The following WDR27 variants were observed in gnomAD, a reference collection of about 807,000 sequenced individuals.
WDR27 encodes WD repeat-containing protein 27.
Under a neutral mutation model 114.4 loss-of-function variants are expected in WDR27, and 100 were observed. The observed-to-expected ratio is 0.87, with a 90% confidence interval of 0.74 to 1.03. The LOEUF (loss-of-function observed/expected upper bound fraction) is 1.03, where lower values mean the gene tolerates loss of function less well. Ranked by LOEUF, WDR27 falls within the 50% of genes least tolerant of loss-of-function variation. The pLI is 0.00. For missense variants in WDR27, 1,129 were observed against 1,092.9 expected (o/e 1.03, Z -0.47); for synonymous variants, 449 against 423.1 (o/e 1.06, Z -0.75).
the WDR27 span, among the ~76,000 whole-genome samples, chr6:169,444,866 C>T: frequency 4.2e-4 from 64 of 152,188 alleles, no homozygotes; most frequent in South Asian, 7.3e-3. Flanking sequence ...CTGGGCTGCC[C>T]TTTTGCCAGA....
At chr6:169,670,090 T>C (rs1002491957) in intron 4 of WDR27, 1 of 153,118 alleles carries the variant, frequency 6.5e-6, no homozygotes, top group African/African-American at 2.4e-5. Context: ...TTTCTAACAC[T>C]GCTTTCTAAC....
intron 9 of WDR27, among the ~76,000 whole-genome samples, chr6:169,661,341 G>A (rs1284305958): frequency 1.3e-5 from 2 of 152,226 alleles, no homozygotes; most frequent in East Asian, 3.8e-4. Flanking sequence ...AACTCCAGGA[G>A]GAAAGTAGCT....
chr6:169,556,052 A>G (rs1225168590), intron 25 of WDR27, among the ~76,000 whole-genome samples: 1 of 152,172 alleles, frequency 6.6e-6, no homozygotes, highest in Non-Finnish European at 1.5e-5. Flanking sequence ...GGCATATAAC[A>G]CAGCATGTGT....
chr6:169,658,295 A>T lies in WDR27; in HGVS notation c.1383T>A (p.Ala461=). The T allele has an allele frequency of 6.2e-7, 1 of 1,601,692 alleles. No homozygotes were observed. Among genetic ancestry groups the T allele is most frequent in the Non-Finnish European group, 8.5e-7 (1 of 1,174,452 alleles). Residue 461 remains alanine, a synonymous_variant, in exon 13 of 26, where the codon GCT becomes GCA. Coordinates refer to ENST00000448612, the MANE Select transcript of WDR27 (RefSeq NM_182552.5). The part of the protein sequence containing the change: ...LGIAKEKSTK[A]ASEQRRAARN... Reference sequence around the variant, plus strand: ...ACTGACCACGTCGCTGTTCACTAGCAGCCTTGGTACTCTTCTCCTTGGCAA... The same window carrying T: ...ACTGACCACGTCGCTGTTCACTAGCTGCCTTGGTACTCTTCTCCTTGGCAA...
chr6:169,616,007 C>T (rs954494751), intron 21 of WDR27, among the ~76,000 whole-genome samples: 1 of 146,944 alleles, frequency 6.8e-6, no homozygotes, highest in Non-Finnish European at 1.5e-5. Flanking sequence ...CACACGCGAA[C>T]TCTGAGGAGG....
At position 169,672,196 on chromosome 6, in the gene WDR27, T is replaced by C. The variant is rs917303863; in HGVS notation, c.331+59A>G. ...ACCCCTTGGGTGGTACCAAGTATAC[T>C]GAAGGATGAGTTATTCCTTTTGCAG... On this transcript the variant is annotated intron_variant, in intron 3 of 25. Transcript: ENST00000448612. The C allele has an allele frequency of 9.5e-6, 15 of 1,570,734 alleles. No homozygotes were observed. In the Admixed American group the frequency reaches 2.7e-4, roughly 28 times the overall value.
chr6:169,432,651 G>A, the WDR27 span, among the ~76,000 whole-genome samples: 2 of 152,308 alleles, frequency 1.3e-5, no homozygotes, highest in African/African-American at 4.8e-5. Context: ...CCCCAGTCAC[G>A]TGAAACTGTG....
At chr6:169,611,477 C>A (rs747353937) in intron 22 of WDR27, among the ~76,000 whole-genome samples, 2 of 151,680 alleles carry the variant, frequency 1.3e-5, no homozygotes, top group Non-Finnish European at 2.9e-5. Flanking sequence ...GGATAATTAT[C>A]GTATTTTTAG....
chr6:169,688,054 C>T, intron 2 of WDR27, among the ~76,000 whole-genome samples: 1 of 152,198 alleles, frequency 6.6e-6, no homozygotes, highest in East Asian at 1.9e-4. Context: ...GAATGTAATT[C>T]TATTTATCAT....
intron 25 of WDR27, among the ~76,000 whole-genome samples, chr6:169,476,510 G>T (rs943302925): frequency 1.3e-5 from 2 of 152,270 alleles, no homozygotes; most frequent in East Asian, 1.9e-4. Flanking sequence ...CAGGGCCTTT[G>T]CAGCCTTCAT....
At chr6:169,448,392 A>ATGTGTG in the WDR27 span, among the ~76,000 whole-genome samples, 4,012 of 131,978 alleles carry the variant, frequency 0.03, 85 homozygotes, top group African/African-American at 0.063. Context: ...CTCTGTCTCT[A>ATGTGTG]TGTGTGTGTG....
chr6:169,552,982 G>C (rs911269648), intron 25 of WDR27, among the ~76,000 whole-genome samples: 3 of 84,954 alleles, frequency 3.5e-5, no homozygotes, highest in Non-Finnish European at 7.0e-5. Context: ...CGGTGTGTGT[G>C]TGTGTGTGTG....
chr6:169,504,750 G>A (rs1791790715), intron 25 of WDR27, among the ~76,000 whole-genome samples: 1 of 151,990 alleles, frequency 6.6e-6, no homozygotes, highest in African/African-American at 2.4e-5. Context: ...CTGAGTAGCT[G>A]GGACAACAGG....
rs146506612 is a variant in WDR27, at chr6:169,607,256, G to T, written c.2322-4935C>A. Among the ~76,000 whole-genome samples the T allele has an allele frequency of 3.9e-3, 586 of 152,162 alleles. 2 individuals carry two copies. Among genetic ancestry groups the T allele is most frequent in the African/African-American group, 0.013 (545 of 41,522 alleles). The stretch of plus-strand genomic sequence containing the variant: ...TGCTGGGTATCTACCAAAAGAAAAA[G>T]AAGTCATGATTTCAAAAAGACACAT... On this transcript the variant is annotated intron_variant, in intron 22 of 25. Coordinates refer to ENST00000448612, the MANE Select transcript of WDR27 (RefSeq NM_182552.5).
intron 25 of WDR27, among the ~76,000 whole-genome samples, chr6:169,563,141 A>G (rs1451629314): frequency 6.6e-6 from 1 of 152,092 alleles, no homozygotes; most frequent in Non-Finnish European, 1.5e-5. Context: ...AAACCCGCAC[A>G]TGGAGAAAGG....
At chr6:169,664,978 CGGGGGATG>C in intron 7 of WDR27, 1 of 752 alleles carries the variant, frequency 1.3e-3, no homozygotes, top group African/African-American at 0.023. Flanking sequence ...CGTGCGGGCA[CGGGGGATG>C]CCACACAGGA....
At chr6:169,537,491 C>T (rs1796318858) in intron 25 of WDR27, among the ~76,000 whole-genome samples, 1 of 152,172 alleles carries the variant, frequency 6.6e-6, no homozygotes, top group Non-Finnish European at 1.5e-5. Flanking sequence ...ACATGCCAAA[C>T]TCCCAAAGTG....
intron 25 of WDR27, among the ~76,000 whole-genome samples, chr6:169,521,830 A>C (rs958692368): frequency 6.6e-6 from 1 of 152,092 alleles, no homozygotes; most frequent in African/African-American, 2.4e-5. Context: ...CAACAAATTA[A>C]AACATACTAC....
chr6:169,477,333 C>A (rs1787321604), intron 25 of WDR27, among the ~76,000 whole-genome samples: 1 of 152,212 alleles, frequency 6.6e-6, no homozygotes, highest in South Asian at 2.1e-4. Context: ...ATAAAACGTA[C>A]CCCATTCTCA....
Sources: allele counts gnomAD v4.1 joint callset (sites outside exome capture counted in the v4.1 genomes callset), GRCh38; gene constraint gnomAD v4.1.1; transcripts MANE v1.5; gene names NCBI Gene and HGNC (gene_info 2026-07-23, HGNC 2026-07-21).